Variants in SYNE2 observed in about 807,000 individuals in gnomAD.
SYNE2 encodes the protein nesprin-2.
In SYNE2, 431 loss-of-function variants were observed where a neutral mutation model predicts 856.3. The ratio of observed to expected loss-of-function variants is 0.50; its 90% CI spans 0.47 to 0.55. The LOEUF is 0.55. SYNE2 is among the 20% of genes least tolerant of loss of function. SYNE2 has a pLI of 0.00. For missense variants in SYNE2, 8,129 were observed against 8,023.2 expected (o/e 1.01, Z -0.50); for synonymous variants, 2,923 against 2,872.3 (o/e 1.02, Z -0.56).
intron 51 of SYNE2, 114 bp from the exon 52 acceptor site, chr14:64,070,531 A>C: frequency 1.2e-6 from 1 of 831,214 alleles, no homozygotes; most frequent in Non-Finnish European, 1.9e-6. Flanking sequence ...ACAGACTAGG[A>C]TATGGCACTA....
chr14:64,024,935 T>C lies in SYNE2; in HGVS notation c.5864T>C (p.Leu1955Pro), dbSNP rs1297449668. 3.1e-6 allele frequency: 5 copies of C among 1,613,828 alleles called. No individual in the cohort carries two copies. Among genetic ancestry groups the C allele is most frequent in the Non-Finnish European group, 4.2e-6 (5 of 1,179,896 alleles). Residue 1955 changes from leucine to proline, a missense_variant, in exon 40 of 116, where the codon CTG (leucine) becomes CCG (proline). Around this residue, in one of 3 missense-constraint regions of SYNE2, gnomAD observed 2,422 missense variants for 2,357.4 expected, o/e 1.03. Transcript: ENST00000555002. ...LLRLQDDHRN[L>P]RKWLTNQEEK... ...AGACTCCAGGATGACCATAGAAACC[T>C]GAGGAAGTGGTTGACTAATCAAGAA...
At chr14:64,069,538 T>C (rs987856282) in intron 51 of SYNE2, among the ~76,000 whole-genome samples, 7 of 152,308 alleles carry the variant, frequency 4.6e-5, no homozygotes, top group African/African-American at 1.7e-4. Flanking sequence ...CGGTGCTTTT[T>C]CCCCAGGCCC....
chr14:64,089,632 A>G lies in SYNE2; in HGVS notation c.11729A>G (p.Lys3910Arg), dbSNP rs142616444. Residue 3910 changes from lysine to arginine, a missense_variant, in exon 59 of 116, where the codon AAA becomes AGA. Lys to Arg is a conservative substitution (Grantham distance 26, BLOSUM62 2). Transcript: ENST00000555002. ...KSMEKRVSKI[K>R]TILLSKEIFD... ...ATGGAAAAAAGAGTTTCAAAAATCA[A>G]AACTATCCTATTATCAAAAGAAATA... The G allele has an allele frequency of 3.6e-5, 58 of 1,606,100 alleles. No homozygotes were observed. The African/African-American group carries it at 5.9e-4, about 16-fold the overall frequency.
At chr14:63,894,814 A>G (rs569778679) in intron 1 of SYNE2, among the ~76,000 whole-genome samples, 1 of 152,276 alleles carries the variant, frequency 6.6e-6, no homozygotes, top group East Asian at 1.9e-4. Context: ...CCCTAGAAAC[A>G]TTGTTAATCT....
chr14:63,971,819 T>G (rs1257051244), intron 11 of SYNE2, among the ~76,000 whole-genome samples: 1 of 152,144 alleles, frequency 6.6e-6, no homozygotes, highest in Non-Finnish European at 1.5e-5. Flanking sequence ...TATTTTGCCT[T>G]CATTAAAAAA....
At chr14:64,089,433 A>T in intron 58 of SYNE2, 141 bp from the exon 59 acceptor site, 1 of 451,158 alleles carries the variant, frequency 2.2e-6, no homozygotes, top group Non-Finnish European at 4.0e-6. Flanking sequence ...ATTTATCTAT[A>T]GTGCTTGGTT....
chr14:63,980,528 A>T, intron 14 of SYNE2, 126 bp from the exon 15 acceptor site: 1 of 645,170 alleles, frequency 1.5e-6, no homozygotes, highest in Non-Finnish European at 2.8e-6. Context: ...CCAAATATGT[A>T]GTATTAAAGC....
chr14:64,202,238 G>A (rs767681748), intron 99 of SYNE2: 19 of 702,230 alleles, frequency 2.7e-5, no homozygotes, highest in Admixed American at 4.0e-5. Flanking sequence ...CAATGTATAC[G>A]GCTGGGTGAA....
chr14:63,874,566 A>G (rs557405554), intron 1 of SYNE2, among the ~76,000 whole-genome samples: 1 of 152,342 alleles, frequency 6.6e-6, no homozygotes, highest in South Asian at 2.1e-4. Flanking sequence ...TCTCTTGGGA[A>G]TAGCCAGAAC....
intron 1 of SYNE2, among the ~76,000 whole-genome samples, chr14:63,825,024 T>C (rs894032150): frequency 3.3e-5 from 5 of 151,696 alleles, no homozygotes; most frequent in Non-Finnish European, 7.4e-5. Flanking sequence ...TGCTTGAGCC[T>C]GGGAGGTGGA....
intron 45 of SYNE2, among the ~76,000 whole-genome samples, chr14:64,032,376 G>A (rs2097046298): frequency 6.6e-6 from 1 of 152,016 alleles, no homozygotes; most frequent in Non-Finnish European, 1.5e-5. Flanking sequence ...GGGCAACATA[G>A]CAAGAACCCT....
chr14:63,905,022 G>A (rs923194929), intron 1 of SYNE2, among the ~76,000 whole-genome samples: 2 of 152,144 alleles, frequency 1.3e-5, no homozygotes, highest in African/African-American at 4.8e-5. Context: ...TCATTCTTCA[G>A]CATATGGCTA....
chr14:64,031,693 GA>G (rs986908913), intron 45 of SYNE2, among the ~76,000 whole-genome samples: 12 of 152,084 alleles, frequency 7.9e-5, no homozygotes, highest in African/African-American at 2.9e-4. Context: ...ATTTTCTCAG[GA>G]AAAAAATCCA....
chr14:64,215,887 A>G, intron 107 of SYNE2: 2 of 1,234,768 alleles, frequency 1.6e-6, no homozygotes, highest in Non-Finnish European at 2.1e-6. Context: ...TTTGGTTCCC[A>G]AGTCCATCTT....
At chr14:64,038,291 G>A (rs535045963) in intron 45 of SYNE2, among the ~76,000 whole-genome samples, 29 of 152,264 alleles carry the variant, frequency 1.9e-4, no homozygotes, top group African/African-American at 4.8e-4. Context: ...GATGGGGGCC[G>A]GGAAGAGGCG....
upstream of SYNE2, among the ~76,000 whole-genome samples, chr14:63,850,665 T>C (rs1222461462): frequency 2.6e-5 from 4 of 152,160 alleles, no homozygotes; most frequent in Non-Finnish European, 4.4e-5. Context: ...TAATTTAATA[T>C]CCAAACTAGG....
At chr14:64,020,993 ATTT>A (rs2096931850) in intron 35 of SYNE2, among the ~76,000 whole-genome samples, 1 of 151,906 alleles carries the variant, frequency 6.6e-6, no homozygotes, top group East Asian at 1.9e-4. Context: ...TTTTCCATAT[ATTT>A]TTCTTTATAT....
Position 64,137,848 on chromosome 14 carries a change from A to C in SYNE2, c.14708A>C (p.Lys4903Thr), listed in dbSNP as rs759083517. The change falls in exon 79 of 116, where the codon AAA becomes ACA. Residue 4903 changes from lysine to threonine, a missense_variant. By Grantham distance (78) the Lys-to-Thr change is moderately conservative. Coordinates refer to ENST00000555002, the MANE Select transcript of SYNE2 (RefSeq NM_182914.3). ...ARLYQTLNEG[K>T]QLVASVSCPE... is the part of the protein sequence containing the mutation. ...CTTTACCAAACTCTGAACGAAGGCA[A>C]ACAGTTGGTGGCGTCTGTGAGCTGT... 6.2e-7 allele frequency: 1 copy of C among 1,614,120 alleles called. No homozygotes were observed. The highest frequency in any genetic ancestry group is 1.3e-5 in the African/African-American group (1 of 74,940).
intron 57 of SYNE2, among the ~76,000 whole-genome samples, chr14:64,083,246 T>C (rs1255001422): frequency 6.6e-6 from 1 of 152,118 alleles, no homozygotes; most frequent in Non-Finnish European, 1.5e-5. Flanking sequence ...CTTGTGATTT[T>C]TTTTGCCTTC....
Sources: gnomAD v4.1 joint callset for allele counts (sites outside exome capture counted in the v4.1 genomes callset) on GRCh38, gnomAD v4.1.1 for gene constraint, gnomAD v4.1.1 regional missense constraint, MANE v1.5 for transcripts, NCBI Gene and HGNC (gene_info 2026-07-23, HGNC 2026-07-21) for gene names.